SAMMSON: variants seen among roughly 807,000 people sequenced by gnomAD.
SAMMSON encodes the protein survival associated mitochondrial melanoma specific oncogenic non-coding RNA, also known as long intergenic non-protein coding RNA 1212.
intron 6 of SAMMSON, among the ~76,000 whole-genome samples, chr3:70,271,186 C>A (rs1352602198): frequency 2.0e-5 from 3 of 152,052 alleles, no homozygotes; most frequent in Non-Finnish European, 4.4e-5. Context: ...GACTTTTGCA[C>A]CAACCTAATT....
At chr3:70,407,644 C>T (rs934301127) in intron 2 of SAMMSON, among the ~76,000 whole-genome samples, 4 of 152,188 alleles carry the variant, frequency 2.6e-5, no homozygotes, top group Admixed American at 1.3e-4. Flanking sequence ...CAGCTCTGCC[C>T]CTGTGGCTTT....
At chr3:70,265,691 A>C (rs986326966) in intron 6 of SAMMSON, among the ~76,000 whole-genome samples, 8 of 152,236 alleles carry the variant, frequency 5.3e-5, no homozygotes, top group Non-Finnish European at 4.4e-5. Flanking sequence ...CACTGCTGTA[A>C]AGAACTGCCT....
intron 4 of SAMMSON, among the ~76,000 whole-genome samples, chr3:70,194,711 A>G (rs944534480): frequency 7.9e-5 from 12 of 152,200 alleles, no homozygotes; most frequent in Non-Finnish European, 1.5e-4. Flanking sequence ...CACATTTGAA[A>G]TGCACAATCT....
chr3:70,189,648 C>A (rs903243248), intron 4 of SAMMSON, among the ~76,000 whole-genome samples: 1 of 152,300 alleles, frequency 6.6e-6, no homozygotes, highest in East Asian at 1.9e-4. Flanking sequence ...TACTTATTCT[C>A]GCCTACCTAG....
Position 70,404,120 on chromosome 3 carries a change from GT to G in SAMMSON, n.233+45798del, listed in dbSNP as rs1036581349. ...ATATCTAGTGATTAAAAATTTTACT[GT>G]TATTAAATTTAAGCTAATTTAGCAT... is the stretch of plus-strand genomic sequence containing the variant. On this transcript the variant is annotated intron_variant and non_coding_transcript_variant, in intron 2 of 3. Coordinates refer to the SAMMSON transcript ENST00000641053. Among the ~76,000 whole-genome samples the G allele has an allele frequency of 6.6e-5, 10 of 152,004 alleles. 2 individuals are homozygous for G. Among genetic ancestry groups the G allele is most frequent in the African/African-American group, 2.4e-4 (10 of 41,486 alleles).
intron 7 of SAMMSON, among the ~76,000 whole-genome samples, chr3:70,337,084 CTTA>C (rs1185070617): frequency 5.7e-5 from 2 of 35,380 alleles, no homozygotes; most frequent in African/African-American, 1.9e-4. Flanking sequence ...ACTTAATATT[CTTA>C]TTAATAATAA....
At chr3:70,205,585 T>C (rs1161609600) in intron 4 of SAMMSON, 1 of 152,086 alleles carries the variant, frequency 6.6e-6, no homozygotes, top group African/African-American at 2.4e-5. Flanking sequence ...CCCCATGGTG[T>C]GAACTAGCCT....
intron 3 of SAMMSON, among the ~76,000 whole-genome samples, chr3:70,016,853 C>A (rs1392809862): frequency 6.6e-6 from 1 of 152,050 alleles, no homozygotes; most frequent in Non-Finnish European, 1.5e-5. Flanking sequence ...AATCCTTTCC[C>A]CATTTCTTGT....
At chr3:70,184,922 C>T (rs576751367) in intron 4 of SAMMSON, among the ~76,000 whole-genome samples, 2 of 152,294 alleles carry the variant, frequency 1.3e-5, no homozygotes, top group Admixed American at 1.3e-4. Flanking sequence ...CCCTGTAAGA[C>T]AGCGCTATCT....
chr3:70,254,146 A>G (rs1248490900), intron 6 of SAMMSON, among the ~76,000 whole-genome samples: 4 of 7,108 alleles, frequency 5.6e-4, no homozygotes, highest in Non-Finnish European at 2.2e-3. Flanking sequence ...CCCAGTTCCA[A>G]TTACACAAAA....
chr3:70,267,712 A>G (rs6785155), intron 6 of SAMMSON, among the ~76,000 whole-genome samples: 70,612 of 151,292 alleles, frequency 0.47, 17,198 homozygotes, highest in East Asian at 0.76. Context: ...CACCCCGCCC[A>G]GCCTAAAATA....
intron 1 of SAMMSON, among the ~76,000 whole-genome samples, chr3:70,001,456 T>G (rs971151666): frequency 5.3e-5 from 8 of 151,622 alleles, no homozygotes; most frequent in Admixed American, 5.3e-4. Flanking sequence ...TTCTAGTGTT[T>G]TTTTTTTTTT....
chr3:70,246,910 G>T (rs2106647024), intron 4 of SAMMSON, among the ~76,000 whole-genome samples: 1 of 151,924 alleles, frequency 6.6e-6, no homozygotes, highest in African/African-American at 2.4e-5. Context: ...ATTATATTTA[G>T]ACATGACTCT....
rs570164430 is a variant in SAMMSON at position 70,343,569 on chromosome 3, A to G, written n.740-10606A>G. On this transcript the variant is annotated intron_variant and non_coding_transcript_variant, in intron 7 of 9. Transcript: ENST00000642114. ...AGAGGCACAGTGTGATTCTTCTCAC[A>G]TTATATCAAGGGTATATACTTGTAG... 2.0e-5 allele frequency among the ~76,000 whole-genome samples: 3 copies of G among 152,292 alleles called. No homozygotes were observed. In the East Asian group the frequency reaches 5.8e-4, roughly 29 times the overall value.
chr3:70,261,864 A>C (rs745649047), intron 6 of SAMMSON, among the ~76,000 whole-genome samples: 4 of 152,108 alleles, frequency 2.6e-5, no homozygotes, highest in Non-Finnish European at 5.9e-5. Flanking sequence ...TTTAGAAACA[A>C]GGGGTTTGTT....
At chr3:70,110,236 T>C (rs1403150895) in intron 4 of SAMMSON, among the ~76,000 whole-genome samples, 2 of 152,198 alleles carry the variant, frequency 1.3e-5, no homozygotes, top group Admixed American at 1.3e-4. Context: ...GTCTTTTTCG[T>C]ATTTGATTTT....
chr3:70,430,549 G>GA (rs1181232400), intron 2 of SAMMSON, among the ~76,000 whole-genome samples: 3 of 152,128 alleles, frequency 2.0e-5, no homozygotes, highest in Non-Finnish European at 2.9e-5. Flanking sequence ...GAGTAGCCAG[G>GA]AAAAGAGTAT....
intron 3 of SAMMSON, among the ~76,000 whole-genome samples, chr3:70,021,686 A>C (rs1450608809): frequency 6.6e-6 from 1 of 152,144 alleles, no homozygotes; most frequent in Non-Finnish European, 1.5e-5. Flanking sequence ...AGGGAAAAAA[A>C]CCCATCATCA....
chr3:70,431,291 C>G (rs971741820), intron 2 of SAMMSON, among the ~76,000 whole-genome samples: 45 of 151,980 alleles, frequency 3.0e-4, no homozygotes, highest in Admixed American at 9.2e-4. Context: ...TATAGCTTCT[C>G]TATAGAAGTT....
Sources: gnomAD v4.1 joint callset for allele counts (sites outside exome capture counted in the v4.1 genomes callset) on GRCh38, gnomAD v4.1.1 for gene constraint, MANE v1.5 for transcripts, NCBI Gene and HGNC (gene_info 2026-07-23, HGNC 2026-07-21) for gene names.